The following NDST1 variants were observed in gnomAD, a reference collection of about 807,000 sequenced individuals.
The protein encoded by NDST1 is N-deacetylase and N-sulfotransferase 1, also known as bifunctional heparan sulfate N-deacetylase/N-sulfotransferase 1.
NDST1 carries 35 observed loss-of-function variants against 92.8 expected under a neutral mutation model. That is an observed-to-expected ratio of 0.38 (90% CI 0.29 to 0.50). The LOEUF (loss-of-function observed/expected upper bound fraction) is 0.50, where lower values mean the gene tolerates loss of function less well. NDST1 is among the 20% of genes least tolerant of loss of function. The probability of loss-of-function intolerance (pLI) is 0.94; values close to 1 mark genes in which losing one functional copy is unlikely to be tolerated. For synonymous variants in NDST1, 493 were observed against 500.3 expected (o/e 0.99, Z 0.19); for missense variants, 822 against 1,182.7 (o/e 0.69, Z 4.47).
At chr5:150,504,902 C>G (rs552848759), upstream of NDST1, among the ~76,000 whole-genome samples, 27 of 152,166 alleles carry the variant, frequency 1.8e-4, no homozygotes, top group African/African-American at 6.0e-4. Flanking sequence ...AGGAGTAGAC[C>G]CAAGCTTGGA....
intron 10 of NDST1, among the ~76,000 whole-genome samples, chr5:150,544,077 C>T (rs886308938): frequency 2.6e-5 from 4 of 152,212 alleles, no homozygotes; most frequent in African/African-American, 9.7e-5. Context: ...GCGCCCGGCC[C>T]ATCTACCTAC....
At chr5:150,547,452 G>A (rs1378501015) in intron 11 of NDST1, among the ~76,000 whole-genome samples, 1 of 152,196 alleles carries the variant, frequency 6.6e-6, no homozygotes, top group African/African-American at 2.4e-5. Context: ...CTGGCTTTCT[G>A]GACTTAGTGA....
intron 1 of NDST1, among the ~76,000 whole-genome samples, chr5:150,515,829 G>A (rs1753933720): frequency 2.0e-5 from 3 of 152,192 alleles, no homozygotes; most frequent in South Asian, 4.1e-4. Flanking sequence ...GAGTTCTGGA[G>A]TGCAGGCGGG....
Position 150,521,668 on chromosome 5 carries a change from T to C in NDST1, c.414T>C (p.Tyr138=), listed in dbSNP as rs1195449060. 6.2e-7 allele frequency: 1 copy of C among 1,614,044 alleles called. No homozygotes were observed. The highest frequency in any genetic ancestry group is 1.7e-5 in the Admixed American group (1 of 60,030). The part of the protein sequence containing the change: ...KGRGRFALII[Y]ENILKYVNLD... ...GTGGCCGCTTCGCCCTCATCATCTA[T>C]GAGAACATCCTCAAGTATGTCAACC... The change falls in exon 2 of 15, where the codon TAT becomes TAC. Residue 138 remains tyrosine (Y), a synonymous_variant. Coordinates refer to ENST00000261797, the MANE Select transcript of NDST1 (RefSeq NM_001543.5). The surrounding 1 kb of genome is among the most constrained non-coding windows in gnomAD (Gnocchi z 5.9).
chr5:150,556,284 TC>T lies in NDST1; in HGVS notation c.*2954del, dbSNP rs1435722386. 6.6e-6 allele frequency: 1 copy of T among 152,228 alleles called. No homozygotes were observed. The highest frequency in any genetic ancestry group is 2.4e-5 in the African/African-American group (1 of 41,458). 9.4% of individuals were successfully genotyped at this position (152,228 alleles called of 1,614,324 possible). On this transcript the variant is annotated 3_prime_UTR_variant, in exon 15 of 15. Transcript: ENST00000261797. Reference sequence around the variant, plus strand: ...TGCAGCTGCCTCAGTCATTCAGAGTTCCAGAGCCTTCTGTGGTGGAGCATCC... The same window carrying T: ...TGCAGCTGCCTCAGTCATTCAGAGTTCAGAGCCTTCTGTGGTGGAGCATCC...
chr5:150,533,551 C>G (rs530990229), intron 4 of NDST1, among the ~76,000 whole-genome samples: 15 of 152,188 alleles, frequency 9.9e-5, no homozygotes, highest in Admixed American at 4.6e-4. Context: ...TTGCTGTCCT[C>G]TCTTCATCTG....
At chr5:150,544,625 G>T (rs1170091175) in intron 10 of NDST1, among the ~76,000 whole-genome samples, 1 of 152,222 alleles carries the variant, frequency 6.6e-6, no homozygotes, top group Non-Finnish European at 1.5e-5. Context: ...CTTCCCACAA[G>T]CCCCAGAAGT....
At chr5:150,518,332 T>C (rs1754078866) in intron 1 of NDST1, among the ~76,000 whole-genome samples, 1 of 151,798 alleles carries the variant, frequency 6.6e-6, no homozygotes, top group Non-Finnish European at 1.5e-5. Context: ...CCCCCTGCAT[T>C]GCAGATGCCT....
Position 150,555,842 on chromosome 5 carries a change from T to A in NDST1, c.*2510T>A, listed in dbSNP as rs987412215. On this transcript the variant is annotated 3_prime_UTR_variant, in exon 15 of 15. Coordinates refer to ENST00000261797, the MANE Select transcript of NDST1 (RefSeq NM_001543.5). ...GTTGGAAATCCTGTGACAGCAGAGA[T>A]CTTCTGGATTTTTGCCTGGACCCTT... 8.5e-5 allele frequency: 13 copies of A among 152,198 alleles called. No individual in the cohort carries two copies. Among genetic ancestry groups the A allele is most frequent in the African/African-American group, 3.1e-4 (13 of 41,428 alleles). 9.4% of individuals were successfully genotyped at this position (152,198 alleles called of 1,614,324 possible).
chr5:150,551,878 G>A (rs751245659), intron 14 of NDST1, 23 bp downstream of exon 14: 13 of 1,611,278 alleles, frequency 8.1e-6, no homozygotes, highest in Non-Finnish European at 1.1e-5. Context: ...CACACTACCT[G>A]TAGCACCTGC....
intron 2 of NDST1, among the ~76,000 whole-genome samples, chr5:150,526,038 A>T (rs1754461402): frequency 6.6e-6 from 1 of 151,692 alleles, no homozygotes; most frequent in Non-Finnish European, 1.5e-5. Context: ...CCTCTTGGTC[A>T]CTCTGCTGTC....
Position 150,528,058 on chromosome 5 carries a change from C to T in NDST1, c.768C>T (p.Ala256=), listed in dbSNP as rs748455993. The T allele has an allele frequency of 2.5e-5, 40 of 1,613,480 alleles. No individual in the cohort carries two copies. The highest frequency in any genetic ancestry group is 6.6e-5 in the South Asian group (6 of 91,034). The change falls in exon 3 of 15, where the codon GCC becomes GCT. Residue 256 remains alanine, a synonymous_variant. Coordinates refer to ENST00000261797, the MANE Select transcript of NDST1 (RefSeq NM_001543.5). ...SESIPHLGAD[A]GLHAALHATV... The stretch of plus-strand genomic sequence containing the variant: ...CCATCCCACACCTGGGCGCAGACGC[C>T]GGCCTGCATGCTGCACTGCACGCCA...
rs1480743886 is a variant in NDST1 at position 150,553,074 on chromosome 5, CAG to C, written c.2530-138_2530-137del. The C allele has an allele frequency of 1.2e-6, 1 of 819,384 alleles. No individual in the cohort carries two copies. The highest frequency in any genetic ancestry group is 2.0e-6 in the Non-Finnish European group (1 of 498,944). The allele number at this position is 819,384 out of a possible 1,614,324, so 50.8% of individuals were successfully genotyped here. A position where few individuals can be genotyped will look rare whatever the true frequency, so the allele number is the denominator to read the frequency against. ...CAGGCTGGTCTTGAACTCCTGACCTCAGGTGATCCACATGCCTCGGCCTCCCA... is the reference window on the plus strand; with the variant it reads ...CAGGCTGGTCTTGAACTCCTGACCTCGTGATCCACATGCCTCGGCCTCCCA... On this transcript the variant is annotated intron_variant, in intron 14 of 14. Transcript: ENST00000261797. The surrounding 1 kb of genome is among the most constrained non-coding windows in gnomAD (Gnocchi z 4.2).
At chr5:150,514,652 GT>G (rs1753879571) in intron 1 of NDST1, among the ~76,000 whole-genome samples, 1 of 151,816 alleles carries the variant, frequency 6.6e-6, no homozygotes, top group African/African-American at 2.4e-5. Flanking sequence ...TGTTGTTGGT[GT>G]TATTTTTATT....
At chr5:150,547,721 T>A (rs1755551000) in intron 11 of NDST1, among the ~76,000 whole-genome samples, 1 of 152,188 alleles carries the variant, frequency 6.6e-6, no homozygotes, top group East Asian at 1.9e-4. Context: ...GTGGTTGCCT[T>A]CTATATATGA....
chr5:150,529,274 C>T (rs1754612874), intron 3 of NDST1, among the ~76,000 whole-genome samples: 1 of 151,552 alleles, frequency 6.6e-6, no homozygotes, highest in East Asian at 1.9e-4. Context: ...GTCCTGTAGT[C>T]CTAGCTATCT....
In NDST1 at chr5:150,553,872, A is replaced by G. The variant is rs1755815432; in HGVS notation, c.*540A>G. 4.6e-6 allele frequency: 2 copies of G among 432,840 alleles called. No individual in the cohort carries two copies. Among genetic ancestry groups the G allele is most frequent in the East Asian group, 6.6e-5 (2 of 30,302 alleles). The allele number at this position is 432,840 out of a possible 1,614,324, so 26.8% of individuals were successfully genotyped here. A position where few individuals can be genotyped will look rare whatever the true frequency, so the allele number is the denominator to read the frequency against. ...GGGTGGCCCCCTCAAGAGGACTCCC[A>G]GCCTCCACATCTGGTTCCTACCTTC... On this transcript the variant is annotated 3_prime_UTR_variant, in exon 15 of 15. Transcript: ENST00000261797. This position sits in a 1 kb window ranked among gnomAD's most constrained non-coding sequence, Gnocchi z 4.2.
chr5:150,519,802 TG>T (rs1280807551), intron 1 of NDST1, among the ~76,000 whole-genome samples: 1 of 152,228 alleles, frequency 6.6e-6, no homozygotes, highest in Non-Finnish European at 1.5e-5. Flanking sequence ...GGTTGCTGTT[TG>T]GGATGAGACA....
chr5:150,511,577 A>C (rs527643830), intron 1 of NDST1, among the ~76,000 whole-genome samples: 20 of 152,264 alleles, frequency 1.3e-4, no homozygotes, highest in African/African-American at 4.8e-4. Flanking sequence ...TCTGGGTCTC[A>C]GTGTCCCCAG....
Sources: allele counts gnomAD v4.1 joint callset (sites outside exome capture counted in the v4.1 genomes callset), GRCh38; gene constraint gnomAD v4.1.1; non-coding constraint Gnocchi (gnomAD v3.1); transcripts MANE v1.5; gene names NCBI Gene and HGNC (gene_info 2026-07-23, HGNC 2026-07-21).